The following KCNB2 variants were observed in gnomAD, a reference collection of about 807,000 sequenced individuals.
The protein encoded by KCNB2 is potassium voltage-gated channel subfamily B member 2, also known as delayed rectifier potassium channel protein.
KCNB2 carries 15 observed loss-of-function variants against 61.5 expected under a neutral mutation model. The observed-to-expected ratio is 0.24, with a 90% CI of 0.16 to 0.38. The LOEUF is 0.38. KCNB2 is among the 10% of genes least tolerant of loss of function. KCNB2 has a pLI of 1.00. For missense variants in KCNB2, 828 were observed against 1,125.2 expected (o/e 0.74, Z 3.78); for synonymous variants, 457 against 446.0 (o/e 1.02, Z -0.31).
chr8:72,873,004 T>C (rs892358561), intron 2 of KCNB2, among the ~76,000 whole-genome samples: 9 of 152,286 alleles, frequency 5.9e-5, no homozygotes, highest in South Asian at 2.1e-4. Flanking sequence ...TAGATGTTTA[T>C]TGATGAGGTG....
At chr8:72,697,663 A>G (rs995525971) in intron 2 of KCNB2, among the ~76,000 whole-genome samples, 2 of 152,254 alleles carry the variant, frequency 1.3e-5, no homozygotes, top group Admixed American at 1.3e-4. Flanking sequence ...AAGAAAACAG[A>G]AAAAAAGAAA....
chr8:72,643,431 C>T (rs1806085006), intron 2 of KCNB2, among the ~76,000 whole-genome samples: 1 of 152,084 alleles, frequency 6.6e-6, no homozygotes, highest in South Asian at 2.1e-4. Flanking sequence ...TAGACTGAAA[C>T]CACATAGTGT....
Position 72,567,700 on chromosome 8 carries a change from A to T in KCNB2, c.-35A>T. ...ATTGCTTCAGTTGACCTCATTTTTT[A>T]AGGACCCTGGCTCTGCGGCTTTGTC... On this transcript the variant is annotated 5_prime_UTR_variant, in exon 2 of 3. Transcript: ENST00000523207. The T allele has an allele frequency of 7.0e-7, 1 of 1,433,974 alleles. No homozygotes were observed. Among genetic ancestry groups the T allele is most frequent in the Non-Finnish European group, 9.4e-7 (1 of 1,069,338 alleles). The allele number at this position is 1,433,974 out of a possible 1,614,324, so 88.8% of individuals were successfully genotyped here.
At chr8:72,725,605 A>ATATGTG (rs1563572117) in intron 2 of KCNB2, among the ~76,000 whole-genome samples, 1 of 54,286 alleles carries the variant, frequency 1.8e-5, no homozygotes, top group African/African-American at 4.4e-5. Context: ...ATATATATAT[A>ATATGTG]TATATATATA....
intron 2 of KCNB2, among the ~76,000 whole-genome samples, chr8:72,864,132 A>G (rs958191185): frequency 1.3e-5 from 2 of 152,200 alleles, no homozygotes; most frequent in African/African-American, 4.8e-5. Context: ...GTCTCAACTG[A>G]TTCCCTAATC....
chr8:72,801,362 G>A (rs780669449), intron 2 of KCNB2, among the ~76,000 whole-genome samples: 10 of 152,136 alleles, frequency 6.6e-5, no homozygotes, highest in Non-Finnish European at 1.0e-4. Context: ...TCACTGATCA[G>A]CTCTGAACAC....
At chr8:72,654,237 C>T (rs1029705383) in intron 2 of KCNB2, among the ~76,000 whole-genome samples, 1 of 152,144 alleles carries the variant, frequency 6.6e-6, no homozygotes, top group Admixed American at 6.6e-5. Context: ...TTCCAAAGAG[C>T]GTAAACCTAG....
At position 72,928,578 on chromosome 8, in the gene KCNB2, C is replaced by A. The variant is rs749744338; in HGVS notation, c.580-7357C>A. 4.0e-5 allele frequency among the ~76,000 whole-genome samples: 6 copies of A among 151,802 alleles called. No homozygotes were observed. The South Asian group carries it at 6.3e-4, about 16-fold the overall frequency. ...TTAACAAATTATGTTTGCAAATATACATTTATTAAATGGAATATACAGCAT... is the reference window on the plus strand; with the variant it reads ...TTAACAAATTATGTTTGCAAATATAAATTTATTAAATGGAATATACAGCAT... On this transcript the variant is annotated intron_variant, in intron 2 of 2. Transcript: ENST00000523207.
intron 2 of KCNB2, among the ~76,000 whole-genome samples, chr8:72,931,243 C>A (rs567368888): frequency 6.6e-6 from 1 of 152,242 alleles, no homozygotes; most frequent in African/African-American, 2.4e-5. Context: ...ATGCCTCAAG[C>A]TTTGTTCTTT....
At chr8:72,707,737 T>A (rs1438421544) in intron 2 of KCNB2, among the ~76,000 whole-genome samples, 1 of 152,244 alleles carries the variant, frequency 6.6e-6, no homozygotes, top group Non-Finnish European at 1.5e-5. Flanking sequence ...ACAGTGTTGT[T>A]GCTGTTCTTT....
chr8:72,913,829 A>G (rs1394168218), intron 2 of KCNB2, among the ~76,000 whole-genome samples: 2 of 152,116 alleles, frequency 1.3e-5, no homozygotes, highest in Admixed American at 6.5e-5. Flanking sequence ...TTCAACAAAC[A>G]TTTCATGAAT....
chr8:72,570,336 A>G (rs550606428), intron 2 of KCNB2, among the ~76,000 whole-genome samples: 2 of 152,322 alleles, frequency 1.3e-5, no homozygotes, highest in East Asian at 1.9e-4. Flanking sequence ...AATCTTCACT[A>G]TAAGTTGATT....
At chr8:72,636,712 A>G (rs746031797) in intron 2 of KCNB2, among the ~76,000 whole-genome samples, 1 of 152,180 alleles carries the variant, frequency 6.6e-6, no homozygotes, top group Non-Finnish European at 1.5e-5. Context: ...CTTTAGAACT[A>G]TGGTGTTTTC....
chr8:72,677,444 G>A (rs1585824082), intron 2 of KCNB2, among the ~76,000 whole-genome samples: 1 of 152,286 alleles, frequency 6.6e-6, no homozygotes, highest in African/African-American at 2.4e-5. Context: ...CATGCTGTAA[G>A]CCACCTCCAG....
chr8:72,896,258 G>C (rs1805986371), intron 2 of KCNB2, among the ~76,000 whole-genome samples: 1 of 152,068 alleles, frequency 6.6e-6, no homozygotes, highest in African/African-American at 2.4e-5. Flanking sequence ...ATAAGTTAGA[G>C]GAGGATACCA....
intron 2 of KCNB2, among the ~76,000 whole-genome samples, chr8:72,892,662 A>G (rs1563415463): frequency 1.3e-5 from 2 of 152,198 alleles, no homozygotes; most frequent in Admixed American, 6.5e-5. Context: ...TGGCACGACC[A>G]GAATTCAAAC....
chr8:72,546,767 G>A (rs1250044583), intron 1 of KCNB2, among the ~76,000 whole-genome samples: 1 of 152,072 alleles, frequency 6.6e-6, no homozygotes, highest in African/African-American at 2.4e-5. Flanking sequence ...AAGTACTTGG[G>A]ACTACAGGCA....
chr8:72,830,852 G>A (rs773025587), intron 2 of KCNB2, among the ~76,000 whole-genome samples: 1 of 152,160 alleles, frequency 6.6e-6, no homozygotes, highest in Non-Finnish European at 1.5e-5. Flanking sequence ...TGAGTGACAC[G>A]AGGCTCATGC....
At chr8:72,909,169 G>T (rs1188411003) in intron 2 of KCNB2, among the ~76,000 whole-genome samples, 1 of 152,152 alleles carries the variant, frequency 6.6e-6, no homozygotes, top group Non-Finnish European at 1.5e-5. Flanking sequence ...ACTCCATGTG[G>T]TAAGTGTTCT....
Sources: gnomAD v4.1 joint callset for allele counts (sites outside exome capture counted in the v4.1 genomes callset) on GRCh38, gnomAD v4.1.1 for gene constraint, MANE v1.5 for transcripts, NCBI Gene and HGNC (gene_info 2026-07-23, HGNC 2026-07-21) for gene names.